IQCH: variants seen among roughly 807,000 people sequenced by gnomAD.
IQCH encodes IQ domain-containing protein H.
A neutral mutation model predicts 117.0 loss-of-function variants in IQCH; 98 were observed. That is an observed-to-expected ratio of 0.84 (90% CI 0.71 to 0.99). IQCH has a LOEUF of 0.99. Ranked by LOEUF, IQCH falls within the 50% of genes least tolerant of loss-of-function variation. The probability of loss-of-function intolerance (pLI) is 0.00; values close to 1 mark genes in which losing one functional copy is unlikely to be tolerated. For missense variants in IQCH, 1,102 were observed against 1,243.8 expected, an observed-to-expected ratio of 0.89 and a Z score of 1.72; for synonymous variants, 412 against 448.2, an observed-to-expected ratio of 0.92 and a Z score of 1.02.
chr15:67,452,772 G>A (rs2082562220), intron 16 of IQCH, among the ~76,000 whole-genome samples: 1 of 152,212 alleles, frequency 6.6e-6, no homozygotes, highest in South Asian at 2.1e-4. Context: ...ATGTTGGCCT[G>A]CCTTGCTAGA....
intron 3 of IQCH, among the ~76,000 whole-genome samples, chr15:67,276,066 A>G (rs1966108684): frequency 6.6e-6 from 1 of 152,206 alleles, no homozygotes; most frequent in Non-Finnish European, 1.5e-5. Flanking sequence ...ACACATCTAT[A>G]TGTATGTTAT....
chr15:67,340,426 C>CAAAAAAAAAAAAAA lies in IQCH; in HGVS notation c.508+3356_508+3369dup, dbSNP rs57244130. ...TGGGCAACAGAGAGATACTCCATCT[C>CAAAAAAAAAAAAAA]AAAAAAAAAAAAAAAAAAAAAAAAA... On this transcript the variant is annotated intron_variant, in intron 5 of 20. Transcript: ENST00000335894. Among the ~76,000 whole-genome samples, 39 of 62,652 alleles carry CAAAAAAAAAAAAAA rather than the reference C, an allele frequency of 6.2e-4. 2 individuals are homozygous for CAAAAAAAAAAAAAA. Among genetic ancestry groups the CAAAAAAAAAAAAAA allele is most frequent in the Middle Eastern group, 0.013 (1 of 80 alleles). The allele number at this position is 62,652 out of a possible 152,430, so 41.1% of individuals were successfully genotyped here.
intron 3 of IQCH, among the ~76,000 whole-genome samples, chr15:67,270,661 C>G (rs911435919): frequency 4.6e-5 from 7 of 152,198 alleles, no homozygotes; most frequent in Admixed American, 3.3e-4. Context: ...ACCATGTGAT[C>G]TCTATGTCCT....
At chr15:67,274,832 C>T (rs1237978445) in intron 3 of IQCH, among the ~76,000 whole-genome samples, 2 of 151,958 alleles carry the variant, frequency 1.3e-5, no homozygotes, top group African/African-American at 4.8e-5. Flanking sequence ...TTTTGAATAT[C>T]TTTTTTTCCC....
intron 4 of IQCH, among the ~76,000 whole-genome samples, chr15:67,336,624 A>C (rs996188050): frequency 6.6e-6 from 1 of 152,180 alleles, no homozygotes; most frequent in African/African-American, 2.4e-5. Context: ...ATTTTTTGGT[A>C]CAAAACTTTG....
chr15:67,258,207 A>G (rs1965305484), intron 1 of IQCH, among the ~76,000 whole-genome samples: 1 of 145,688 alleles, frequency 6.9e-6, no homozygotes, highest in African/African-American at 2.6e-5. Flanking sequence ...ACTCCAACAC[A>G]GCAAGCAGCA....
intron 20 of IQCH, among the ~76,000 whole-genome samples, chr15:67,499,683 A>G (rs1001743045): frequency 4.0e-4 from 61 of 152,212 alleles, no homozygotes; most frequent in African/African-American, 1.4e-3. Flanking sequence ...ATAATAGCCA[A>G]AAATTAGAAA....
chr15:67,263,288 G>T, intron 3 of IQCH, 72 bp downstream of exon 3: 1 of 777,622 alleles, frequency 1.3e-6, no homozygotes, highest in South Asian at 1.5e-5. Context: ...CAAGTGAGAT[G>T]ACTATAAAAT....
At chr15:67,301,821 A>G (rs188348976) in intron 4 of IQCH, among the ~76,000 whole-genome samples, 177 of 152,288 alleles carry the variant, frequency 1.2e-3, no homozygotes, top group African/African-American at 3.8e-3. Flanking sequence ...ATTGGGACCA[A>G]AATAGTAAAT....
intron 4 of IQCH, among the ~76,000 whole-genome samples, chr15:67,327,069 T>C (rs866454868): frequency 6.6e-6 from 1 of 152,336 alleles, no homozygotes; most frequent in Middle Eastern, 3.4e-3. Flanking sequence ...TTTTCAGATT[T>C]CTATTTACAT....
rs1464928907 is a variant in IQCH, at chr15:67,366,145, G to T, written c.754-5966G>T. On this transcript the variant is annotated intron_variant, in intron 8 of 20. Coordinates refer to ENST00000335894, the MANE Select transcript of IQCH (RefSeq NM_001031715.3). This position sits in a 1 kb window ranked among gnomAD's most constrained non-coding sequence, Gnocchi z 4.4. ...CCATACGTGTAGAGAAAATTATGATGTGTCTTTGCTCAGAGATCTGGGAAT... is the reference window on the plus strand; with the variant it reads ...CCATACGTGTAGAGAAAATTATGATTTGTCTTTGCTCAGAGATCTGGGAAT... Among the ~76,000 whole-genome samples the T allele has an allele frequency of 6.6e-6, 1 of 152,130 alleles. No homozygotes were observed. Among genetic ancestry groups the T allele is most frequent in the Non-Finnish European group, 1.5e-5 (1 of 68,028 alleles).
intron 4 of IQCH, among the ~76,000 whole-genome samples, chr15:67,293,661 GA>G (rs1966829399): frequency 6.6e-6 from 1 of 151,984 alleles, no homozygotes; most frequent in Admixed American, 6.6e-5. Flanking sequence ...TGGAGGGCCA[GA>G]GTGAATAGCA....
chr15:67,332,479 GT>G (rs1968707443), intron 4 of IQCH, among the ~76,000 whole-genome samples: 1 of 152,124 alleles, frequency 6.6e-6, no homozygotes, highest in African/African-American at 2.4e-5. Flanking sequence ...ATGAACACTT[GT>G]TGGGAAAAAC....
At chr15:67,327,833 A>C (rs1447638781) in intron 4 of IQCH, among the ~76,000 whole-genome samples, 1 of 152,102 alleles carries the variant, frequency 6.6e-6, no homozygotes, top group African/African-American at 2.4e-5. Context: ...TTTATATGTC[A>C]TTTATTTGCA....
rs1269562900 is a variant in IQCH, at chr15:67,459,753, G to A, written c.2506-5374G>A. 2.6e-5 allele frequency: 4 copies of A among 152,378 alleles called. No individual in the cohort carries two copies. The highest frequency in any genetic ancestry group is 4.2e-4 in the South Asian group (2 of 4,818). 9.4% of individuals were successfully genotyped at this position (152,378 alleles called of 1,614,324 possible). ...GGCATCCAGCACAGTAGCAGTCAGG[G>A]CAGTGGAGAGCAGGGGCCTCTGTAG... On this transcript the variant is annotated intron_variant, in intron 16 of 20. Coordinates refer to ENST00000335894, the MANE Select transcript of IQCH (RefSeq NM_001031715.3). This position sits in a 1 kb window ranked among gnomAD's most constrained non-coding sequence, Gnocchi z 4.2.
chr15:67,395,282 T>C lies in IQCH; in HGVS notation c.1633-9T>C, dbSNP rs553558518. The stretch of plus-strand genomic sequence containing the variant: ...ACCTTTTAACAAGAATAATATGATC[T>C]TCCCCCAGAAGCATCATATGTGCCT... On this transcript the variant is annotated splice_polypyrimidine_tract_variant and intron_variant, in intron 12 of 20. Transcript: ENST00000335894. The surrounding 1 kb of genome is among the most constrained non-coding windows in gnomAD (Gnocchi z 4.0). The C allele has an allele frequency of 6.2e-7, 1 of 1,606,974 alleles. No homozygotes were observed. Among genetic ancestry groups the C allele is most frequent in the Non-Finnish European group, 8.5e-7 (1 of 1,175,258 alleles).
At position 67,376,146 on chromosome 15, in the gene IQCH, A is replaced by G. The variant is rs1413313509; in HGVS notation, c.1372+2713A>G. Reference sequence around the variant, plus strand: ...TTAAATTAAGTAACAACAAGCTGTCATCTCCTACCTATTCCACAGATAGAA... The same window carrying G: ...TTAAATTAAGTAACAACAAGCTGTCGTCTCCTACCTATTCCACAGATAGAA... On this transcript the variant is annotated intron_variant, in intron 10 of 20. Transcript: ENST00000335894. This position sits in a 1 kb window ranked among gnomAD's most constrained non-coding sequence, Gnocchi z 5.0. Among the ~76,000 whole-genome samples the G allele has an allele frequency of 6.6e-6, 1 of 152,180 alleles. No individual in the cohort carries two copies. Among genetic ancestry groups the G allele is most frequent in the Non-Finnish European group, 1.5e-5 (1 of 68,040 alleles).
chr15:67,446,517 A>G (rs1255170642), intron 16 of IQCH, among the ~76,000 whole-genome samples: 2 of 152,156 alleles, frequency 1.3e-5, no homozygotes, highest in African/African-American at 2.4e-5. Context: ...AATGGCATCA[A>G]AGGGGGCCTG....
intron 8 of IQCH, among the ~76,000 whole-genome samples, chr15:67,368,260 G>A (rs1970403841): frequency 1.3e-5 from 2 of 152,206 alleles, no homozygotes; most frequent in South Asian, 4.1e-4. Context: ...AAGTTCCCTT[G>A]TCCTCTAAAA....
Sources: gnomAD v4.1 joint callset for allele counts (sites outside exome capture counted in the v4.1 genomes callset) on GRCh38, gnomAD v4.1.1 for gene constraint, Gnocchi (gnomAD v3.1) non-coding constraint, MANE v1.5 for transcripts, NCBI Gene and HGNC (gene_info 2026-07-23, HGNC 2026-07-21) for gene names.